LEKR1: variants seen among roughly 807,000 people sequenced by gnomAD.
LEKR1 encodes protein LEKR1.
LEKR1 carries 59 observed loss-of-function variants against 72.4 expected under a neutral mutation model. The ratio of observed to expected loss-of-function variants is 0.82; its 90% confidence interval spans 0.66 to 1.01. The LOEUF (loss-of-function observed/expected upper bound fraction) is 1.01, where lower values mean the gene tolerates loss of function less well. Among genes scored for constraint, LEKR1 ranks in the 50% least tolerant of loss-of-function variants. The pLI is 0.00. For missense variants in LEKR1, 728 were observed against 759.2 expected (o/e 0.96, Z 0.48); for synonymous variants, 257 against 263.2 (o/e 0.98, Z 0.23).
At chr3:156,833,167 G>A (rs761313199) in intron 2 of LEKR1, among the ~76,000 whole-genome samples, 7 of 152,168 alleles carry the variant, frequency 4.6e-5, no homozygotes, top group African/African-American at 1.2e-4. Context: ...GTCATAGAAA[G>A]ATTATTTCAT....
rs1560087066 is a variant in LEKR1, at chr3:156,927,609, G to A, written c.559+5G>A. On this transcript the variant is annotated splice_donor_5th_base_variant and intron_variant, in intron 5 of 12. Coordinates refer to ENST00000356539, the MANE Select transcript of LEKR1 (RefSeq NM_001004316.3). ...TAAGTGAAACAGCCTTGACAGGTTTGTTACATATATTTAGAATATAATTGT... is the reference window on the plus strand; with the variant it reads ...TAAGTGAAACAGCCTTGACAGGTTTATTACATATATTTAGAATATAATTGT... 4.2e-6 allele frequency: 5 copies of A among 1,180,702 alleles called. No homozygotes were observed. The allele number at this position is 1,180,702 out of a possible 1,614,324, so 73.1% of individuals were successfully genotyped here.
At chr3:156,921,782 G>T (rs1204005694) in intron 4 of LEKR1, among the ~76,000 whole-genome samples, 2 of 152,112 alleles carry the variant, frequency 1.3e-5, no homozygotes, top group Non-Finnish European at 2.9e-5. Flanking sequence ...ACCTTTAAAG[G>T]CTGGACTGGG....
chr3:156,899,846 A>C (rs910864577), intron 3 of LEKR1, among the ~76,000 whole-genome samples: 1 of 151,472 alleles, frequency 6.6e-6, no homozygotes, highest in African/African-American at 2.4e-5. Context: ...ACATATGTGT[A>C]TATATGTATA....
At chr3:156,927,916 C>A (rs1344839497) in intron 5 of LEKR1, among the ~76,000 whole-genome samples, 1 of 151,870 alleles carries the variant, frequency 6.6e-6, no homozygotes, top group Admixed American at 6.6e-5. Context: ...GGTCAGCCTT[C>A]TTATAGATAA....
At chr3:157,021,237 C>T (rs1411163920) in intron 10 of LEKR1, among the ~76,000 whole-genome samples, 2 of 151,920 alleles carry the variant, frequency 1.3e-5, no homozygotes, top group Non-Finnish European at 2.9e-5. Flanking sequence ...GTTGCCTGTT[C>T]ACTCTGATGG....
At chr3:156,854,443 G>C (rs542934) in intron 3 of LEKR1, among the ~76,000 whole-genome samples, 46,155 of 151,858 alleles carry the variant, frequency 0.3, 9,990 homozygotes, top group African/African-American at 0.61. Flanking sequence ...ACTGTGCCCA[G>C]CCAAAAATCA....
intron 9 of LEKR1, among the ~76,000 whole-genome samples, chr3:157,003,589 G>T (rs897569348): frequency 5.9e-5 from 9 of 152,058 alleles, no homozygotes; most frequent in African/African-American, 2.2e-4. Context: ...TCCAATCTCT[G>T]CTTTCATTGT....
chr3:156,864,180 C>T (rs1029319792), intron 3 of LEKR1, among the ~76,000 whole-genome samples: 2 of 151,942 alleles, frequency 1.3e-5, no homozygotes, highest in African/African-American at 4.8e-5. Flanking sequence ...GATGCCTCTA[C>T]CTTCTCTCTT....
chr3:156,989,465 G>C (rs1218825693), intron 7 of LEKR1, among the ~76,000 whole-genome samples: 1 of 152,068 alleles, frequency 6.6e-6, no homozygotes, highest in Middle Eastern at 3.2e-3. Context: ...AATCTCAACA[G>C]TGTTTATAAA....
chr3:156,979,260 A>G lies in LEKR1; in HGVS notation c.812A>G (p.Tyr271Cys). The change falls in exon 7 of 13, where the codon TAT (tyrosine) becomes TGT (cysteine). Residue 271 changes from tyrosine to cysteine, a missense_variant. By Grantham distance (194) the Tyr-to-Cys change is radical. Coordinates refer to ENST00000356539, the MANE Select transcript of LEKR1 (RefSeq NM_001004316.3). ...LQKAVTEMDN[Y>C]KEMLMNKSNE... ...AAGGCGGTGACAGAGATGGACAACT[A>G]TAAAGAAATGCTTATGTAAGATGGA... 1 of 1,282,170 alleles carries G rather than the reference A, an allele frequency of 7.8e-7. No individual in the cohort carries two copies. Among genetic ancestry groups the G allele is most frequent in the Non-Finnish European group, 1.0e-6 (1 of 980,944 alleles). 79.4% of individuals were successfully genotyped at this position (1,282,170 alleles called of 1,614,324 possible). A position where few individuals can be genotyped will look rare whatever the true frequency, so the allele number is the denominator to read the frequency against.
chr3:156,980,286 T>C (rs562432148), intron 7 of LEKR1, among the ~76,000 whole-genome samples: 1 of 152,190 alleles, frequency 6.6e-6, no homozygotes, highest in Non-Finnish European at 1.5e-5. Flanking sequence ...AATAAAATAC[T>C]GAACACAAGA....
At chr3:156,838,815 G>A (rs550776932) in intron 2 of LEKR1, among the ~76,000 whole-genome samples, 2 of 152,240 alleles carry the variant, frequency 1.3e-5, no homozygotes, top group Admixed American at 6.5e-5. Flanking sequence ...CACCCACAAA[G>A]GCAGATCCCA....
At chr3:156,953,551 T>G (rs115424087) in intron 6 of LEKR1, among the ~76,000 whole-genome samples, 335 of 151,852 alleles carry the variant, frequency 2.2e-3, no homozygotes, top group Non-Finnish European at 3.6e-3. Flanking sequence ...GTTTTCCCCA[T>G]GTGTCCATAT....
intron 9 of LEKR1, among the ~76,000 whole-genome samples, chr3:157,001,007 T>A (rs1731973120): frequency 4.6e-5 from 7 of 152,220 alleles, no homozygotes; most frequent in Admixed American, 4.6e-4. Flanking sequence ...GTAAAGAATG[T>A]GCCTTGCTTC....
chr3:156,966,120 A>G (rs1728553372), intron 6 of LEKR1, among the ~76,000 whole-genome samples: 1 of 152,140 alleles, frequency 6.6e-6, no homozygotes, highest in Middle Eastern at 3.2e-3. Flanking sequence ...TAAAACAGAT[A>G]AATAAATAAA....
intron 6 of LEKR1, among the ~76,000 whole-genome samples, chr3:156,964,115 C>T (rs1052108301): frequency 6.6e-6 from 1 of 152,024 alleles, no homozygotes; most frequent in African/African-American, 2.4e-5. Context: ...TTTTTGTTTT[C>T]CCTTACCAAA....
chr3:157,022,694 G>A (rs1444004013), intron 10 of LEKR1, among the ~76,000 whole-genome samples: 3 of 152,118 alleles, frequency 2.0e-5, no homozygotes, highest in Non-Finnish European at 4.4e-5. Context: ...TTATCTAAAT[G>A]GCTACCAGGA....
chr3:156,922,097 T>C (rs531648212), intron 4 of LEKR1, among the ~76,000 whole-genome samples: 8 of 152,236 alleles, frequency 5.3e-5, no homozygotes, highest in African/African-American at 1.7e-4. Flanking sequence ...TAAAAACAAT[T>C]TTGGAAGTAA....
chr3:156,927,300 C>A, intron 4 of LEKR1, 129 bp from the exon 5 acceptor site: 1 of 264,864 alleles, frequency 3.8e-6, no homozygotes, highest in Non-Finnish European at 6.9e-6. Context: ...ATGAATACCA[C>A]CTTCTTTTGG....
Sources: gnomAD v4.1 joint callset for allele counts (sites outside exome capture counted in the v4.1 genomes callset) on GRCh38, gnomAD v4.1.1 for gene constraint, MANE v1.5 for transcripts, NCBI Gene and HGNC (gene_info 2026-07-23, HGNC 2026-07-21) for gene names.